The following SLC24A2 variants were observed in gnomAD, a reference collection of about 807,000 sequenced individuals.
The protein encoded by SLC24A2 is solute carrier family 24 member 2.
A neutral mutation model predicts 62.0 loss-of-function variants in SLC24A2; 36 were observed. That is an observed-to-expected ratio of 0.58 (90% CI 0.44 to 0.77). SLC24A2 has a LOEUF of 0.77. Among genes scored for constraint, SLC24A2 ranks in the 30% least tolerant of loss-of-function variants. SLC24A2 has a pLI of 0.00. For synonymous variants in SLC24A2, 358 were observed against 294.0 expected (o/e 1.22, Z -2.23); for missense variants, 846 against 817.9 (o/e 1.03, Z -0.42).
the SLC24A2 span, among the ~76,000 whole-genome samples, chr9:20,059,514 C>T: frequency 1.3e-4 from 19 of 151,878 alleles, no homozygotes; most frequent in African/African-American, 4.6e-4. Context: ...CTGGAAAATC[C>T]ACAAATATGT....
In SLC24A2 at chr9:19,705,721, G is replaced by C. The variant is rs148491366; in HGVS notation, c.930+80216C>G. 1,123 of 162,646 alleles carry C rather than the reference G, an allele frequency of 6.9e-3. 17 individuals carry two copies. Among genetic ancestry groups the C allele is most frequent in the African/African-American group, 0.025 (1,074 of 42,130 alleles). The allele number at this position is 162,646 out of a possible 1,614,324, so 10.1% of individuals were successfully genotyped here. ...TAGTCATTCAGGAGCAGGTTGTTCA[G>C]TTTCCATGTAGTTGAGCGGTTTTGA... On this transcript the variant is annotated intron_variant, in intron 2 of 10. Transcript: ENST00000341998.
At chr9:19,662,459 G>T (rs1480090316) in intron 2 of SLC24A2, among the ~76,000 whole-genome samples, 1 of 152,164 alleles carries the variant, frequency 6.6e-6, no homozygotes, top group Non-Finnish European at 1.5e-5. Flanking sequence ...GTTGCTTTCA[G>T]CTCTTACTCC....
At chr9:20,186,985 G>C in the SLC24A2 span, among the ~76,000 whole-genome samples, 6 of 152,100 alleles carry the variant, frequency 3.9e-5, no homozygotes, top group African/African-American at 1.4e-4. Flanking sequence ...TCCAAAAATG[G>C]CATCTCTATG....
chr9:19,530,210 A>G (rs2132666781), intron 8 of SLC24A2, among the ~76,000 whole-genome samples: 1 of 151,796 alleles, frequency 6.6e-6, no homozygotes, highest in South Asian at 2.1e-4. Context: ...TCATCTGGTC[A>G]CAGTCACTGT....
At chr9:19,566,214 C>T (rs1367055252) in intron 7 of SLC24A2, among the ~76,000 whole-genome samples, 5 of 150,664 alleles carry the variant, frequency 3.3e-5, no homozygotes, top group East Asian at 3.9e-4. Context: ...GCAATCTACT[C>T]ATCTGACAAA....
chr9:20,207,925 G>C, the SLC24A2 span, among the ~76,000 whole-genome samples: 3 of 152,194 alleles, frequency 2.0e-5, no homozygotes, highest in African/African-American at 7.2e-5. Context: ...AATAATTAAA[G>C]AGGAGAAGCA....
the SLC24A2 span, among the ~76,000 whole-genome samples, chr9:20,036,874 ATG>A: frequency 1.3e-4 from 19 of 149,498 alleles, no homozygotes; most frequent in African/African-American, 2.2e-4. Context: ...ATATGTATAT[ATG>A]TGTGTGTGTG....
the SLC24A2 span, among the ~76,000 whole-genome samples, chr9:19,952,846 A>T: frequency 6.6e-6 from 1 of 151,924 alleles, no homozygotes; most frequent in Non-Finnish European, 1.5e-5. Flanking sequence ...AATGTTTGGT[A>T]AACTTTTACT....
chr9:20,055,366 C>T, the SLC24A2 span, among the ~76,000 whole-genome samples: 6 of 152,216 alleles, frequency 3.9e-5, no homozygotes, highest in African/African-American at 1.4e-4. Context: ...TTTTATCTAG[C>T]AATCATAAAT....
At chr9:20,104,592 C>G in the SLC24A2 span, among the ~76,000 whole-genome samples, 12 of 152,140 alleles carry the variant, frequency 7.9e-5, no homozygotes, top group Non-Finnish European at 1.6e-4. Flanking sequence ...TCATATCCAG[C>G]CAAACTAAGC....
intron 2 of SLC24A2, among the ~76,000 whole-genome samples, chr9:19,625,955 G>A (rs1818024121): frequency 6.6e-6 from 1 of 151,806 alleles, no homozygotes; most frequent in South Asian, 2.1e-4. Context: ...CCAAAGTGCT[G>A]GGATTACAAG....
chr9:20,232,724 T>C, the SLC24A2 span, among the ~76,000 whole-genome samples: 1 of 152,178 alleles, frequency 6.6e-6, no homozygotes, highest in Non-Finnish European at 1.5e-5. Flanking sequence ...GTTTTTTGTG[T>C]CTCTATTTCC....
the SLC24A2 span, among the ~76,000 whole-genome samples, chr9:20,016,708 A>G: frequency 6.6e-6 from 1 of 152,218 alleles, no homozygotes; most frequent in African/African-American, 2.4e-5. Flanking sequence ...GACAGCAAGT[A>G]TAATGAAAAC....
the SLC24A2 span, among the ~76,000 whole-genome samples, chr9:20,135,982 C>G: frequency 5.0e-3 from 763 of 152,218 alleles, 7 homozygotes; most frequent in African/African-American, 0.018. Context: ...TACTGAAGAT[C>G]TACTATGTGC....
At chr9:19,647,802 A>T (rs1818686970) in intron 2 of SLC24A2, among the ~76,000 whole-genome samples, 1 of 152,242 alleles carries the variant, frequency 6.6e-6, no homozygotes, top group African/African-American at 2.4e-5. Flanking sequence ...CTATTAGTAG[A>T]TGAAAAAATA....
the SLC24A2 span, among the ~76,000 whole-genome samples, chr9:19,978,591 A>T: frequency 6.7e-6 from 1 of 150,178 alleles, no homozygotes; most frequent in Non-Finnish European, 1.5e-5. Context: ...AGAAAAGGGT[A>T]TTTTTTTTTT....
chr9:19,674,546 T>A (rs1236079820), intron 2 of SLC24A2, among the ~76,000 whole-genome samples: 5 of 152,214 alleles, frequency 3.3e-5, no homozygotes, highest in Admixed American at 2.0e-4. Flanking sequence ...TCTTGGAGGC[T>A]TTGTTCATTT....
chr9:19,908,861 G>A, the SLC24A2 span, among the ~76,000 whole-genome samples: 1 of 152,102 alleles, frequency 6.6e-6, no homozygotes, highest in Admixed American at 6.5e-5. Context: ...TGGAGAAATA[G>A]GAACACTTTT....
chr9:19,810,569 A>C, the SLC24A2 span, among the ~76,000 whole-genome samples: 1 of 152,202 alleles, frequency 6.6e-6, no homozygotes, highest in Non-Finnish European at 1.5e-5. Flanking sequence ...AACTATGTAA[A>C]AAGAGGGTAC....
Sources: gnomAD v4.1 joint callset for allele counts (sites outside exome capture counted in the v4.1 genomes callset) on GRCh38, gnomAD v4.1.1 for gene constraint, MANE v1.5 for transcripts, NCBI Gene and HGNC (gene_info 2026-07-23, HGNC 2026-07-21) for gene names.